PPP2R2C: variants seen among roughly 807,000 people sequenced by gnomAD.
PPP2R2C encodes the protein protein phosphatase 2 regulatory subunit Bgamma.
PPP2R2C carries 10 observed loss-of-function variants against 45.3 expected under a neutral mutation model. That is an observed-to-expected ratio of 0.22 (90% CI 0.14 to 0.37). The LOEUF (loss-of-function observed/expected upper bound fraction) is 0.37, where lower values mean the gene tolerates loss of function less well. PPP2R2C is among the 10% of genes least tolerant of loss of function. PPP2R2C has a pLI of 1.00. For missense variants in PPP2R2C, 308 were observed against 619.7 expected (o/e 0.50, Z 5.34); for synonymous variants, 257 against 245.4 (o/e 1.05, Z -0.44).
chr4:6,417,469 C>A (rs1053333433), intron 1 of PPP2R2C, among the ~76,000 whole-genome samples: 14 of 152,184 alleles, frequency 9.2e-5, no homozygotes, highest in Non-Finnish European at 2.1e-4. Flanking sequence ...GTTTGCCCCC[C>A]TTGGGTGGCA....
chr4:6,403,566 T>A (rs1402416297), intron 1 of PPP2R2C, among the ~76,000 whole-genome samples: 1 of 152,118 alleles, frequency 6.6e-6, no homozygotes, highest in African/African-American at 2.4e-5. Flanking sequence ...TTAAAGAGCT[T>A]GGAACCTTTC....
chr4:6,423,352 C>T (rs1270847305), intron 1 of PPP2R2C, among the ~76,000 whole-genome samples: 1 of 152,176 alleles, frequency 6.6e-6, no homozygotes, highest in African/African-American at 2.4e-5. Flanking sequence ...TACAGGTGCA[C>T]ACCACCACGC....
intron 5 of PPP2R2C, among the ~76,000 whole-genome samples, chr4:6,362,363 G>A (rs1372940356): frequency 6.6e-6 from 1 of 152,106 alleles, no homozygotes; most frequent in East Asian, 1.9e-4. Flanking sequence ...AACAGGGAGC[G>A]AGTTCTAGAA....
intron 3 of PPP2R2C, among the ~76,000 whole-genome samples, chr4:6,376,894 A>C (rs1423205951): frequency 1.3e-5 from 2 of 152,150 alleles, no homozygotes; most frequent in Non-Finnish European, 2.9e-5. Context: ...AGGGCCCCTT[A>C]GGGGACACAG....
intron 2 of PPP2R2C, among the ~76,000 whole-genome samples, chr4:6,509,783 T>C (rs555812827): frequency 5.9e-5 from 9 of 152,302 alleles, no homozygotes; most frequent in African/African-American, 1.9e-4. Context: ...CTCCGTGCCT[T>C]AGTTCCCTCC....
chr4:6,546,084 C>T (rs1724971681), intron 1 of PPP2R2C, among the ~76,000 whole-genome samples: 1 of 152,206 alleles, frequency 6.6e-6, no homozygotes, highest in Admixed American at 6.5e-5. Context: ...ACGATAATAG[C>T]AGCTGTCGCT....
At chr4:6,477,682 CGG>C (rs1722209079) in intron 2 of PPP2R2C, among the ~76,000 whole-genome samples, 1 of 143,478 alleles carries the variant, frequency 7.0e-6, no homozygotes, top group African/African-American at 2.6e-5. Context: ...GCCAAGATCG[CGG>C]CACTGTACTC....
chr4:6,535,163 G>A, intron 2 of PPP2R2C: 1 of 1,283,816 alleles, frequency 7.8e-7, no homozygotes, highest in Non-Finnish European at 1.1e-6. Flanking sequence ...GCACGGTGGG[G>A]TCGGCTTCCC....
At position 6,375,959 on chromosome 4, in the gene PPP2R2C, G is replaced by T. The variant is rs535466366; in HGVS notation, c.335-28C>A. ...TTAAAAACAGAACAAAATAAAGCGAGTCACATAATTAAGCAGCCGGATGGA... is the reference window on the plus strand; with the variant it reads ...TTAAAAACAGAACAAAATAAAGCGATTCACATAATTAAGCAGCCGGATGGA... On this transcript the variant is annotated intron_variant, in intron 3 of 8. Coordinates refer to ENST00000382599, the MANE Select transcript of PPP2R2C (RefSeq NM_020416.4). 1.3e-5 allele frequency: 20 copies of T among 1,571,434 alleles called. No individual in the cohort carries two copies. In the Middle Eastern group the frequency reaches 5.1e-4, roughly 40 times the overall value.
intron 1 of PPP2R2C, among the ~76,000 whole-genome samples, chr4:6,443,560 T>A (rs1312698394): frequency 6.6e-6 from 1 of 152,182 alleles, no homozygotes; most frequent in East Asian, 1.9e-4. Flanking sequence ...CTCAGCAGCC[T>A]GAGGCAAAGA....
chr4:6,407,182 T>C (rs928664545), intron 1 of PPP2R2C, among the ~76,000 whole-genome samples: 1 of 152,118 alleles, frequency 6.6e-6, no homozygotes, highest in Admixed American at 6.5e-5. Context: ...CAACCAAACG[T>C]GTGATAATAT....
At chr4:6,333,797 T>C (rs1732617598) in intron 6 of PPP2R2C, 66 bp from the exon 7 acceptor site, 1 of 1,570,700 alleles carries the variant, frequency 6.4e-7, no homozygotes, top group Admixed American at 1.7e-5. Context: ...GCACGACGGA[T>C]GACTCTGTTT....
chr4:6,348,364 T>C (rs1712203813), intron 5 of PPP2R2C, among the ~76,000 whole-genome samples: 1 of 151,640 alleles, frequency 6.6e-6, no homozygotes, highest in African/African-American at 2.4e-5. Context: ...CCTTCCCCTG[T>C]TGGTTGCCAA....
chr4:6,383,907 T>A, intron 1 of PPP2R2C: 1 of 986,954 alleles, frequency 1.0e-6, no homozygotes, highest in Non-Finnish European at 1.2e-6. Context: ...TTCTGAGCCA[T>A]GAGTCAATGC....
At chr4:6,559,395 GCACACACACACACA>G (rs58400617) in intron 1 of PPP2R2C, among the ~76,000 whole-genome samples, 15 of 144,768 alleles carry the variant, frequency 1.0e-4, no homozygotes, top group East Asian at 4.0e-4. Flanking sequence ...AAAATACACA[GCACACACACACACA>G]CACACACACA....
chr4:6,334,580 C>A (rs2109178674), intron 6 of PPP2R2C, among the ~76,000 whole-genome samples: 1 of 152,252 alleles, frequency 6.6e-6, no homozygotes, highest in East Asian at 1.9e-4. Context: ...GTAGCAGTGA[C>A]CCTGGGGCTG....
At chr4:6,508,983 C>G (rs1262832303) in intron 2 of PPP2R2C, among the ~76,000 whole-genome samples, 1 of 152,228 alleles carries the variant, frequency 6.6e-6, no homozygotes, top group African/African-American at 2.4e-5. Flanking sequence ...AACTTTCACT[C>G]CAGCTCTAAA....
chr4:6,365,044 T>A (rs1714161876), intron 5 of PPP2R2C, among the ~76,000 whole-genome samples: 1 of 152,108 alleles, frequency 6.6e-6, no homozygotes, highest in African/African-American at 2.4e-5. Context: ...AACAAAAAAG[T>A]CCCTTCTTCC....
intron 1 of PPP2R2C, among the ~76,000 whole-genome samples, chr4:6,549,274 C>T (rs903326013): frequency 6.6e-6 from 1 of 152,142 alleles, no homozygotes; most frequent in East Asian, 1.9e-4. Flanking sequence ...CCTCCACCCC[C>T]ACCCTTCCCA....
Sources: gnomAD v4.1 joint callset for allele counts (sites outside exome capture counted in the v4.1 genomes callset) on GRCh38, gnomAD v4.1.1 for gene constraint, MANE v1.5 for transcripts, NCBI Gene and HGNC (gene_info 2026-07-23, HGNC 2026-07-21) for gene names.